Variants in XIRP2 observed in about 807,000 individuals in gnomAD.
XIRP2 encodes xin actin-binding repeat-containing protein 2.
A neutral mutation model predicts 277.0 loss-of-function variants in XIRP2; 236 were observed. That is an observed-to-expected ratio of 0.85 (90% CI 0.77 to 0.95). The LOEUF (loss-of-function observed/expected upper bound fraction) is 0.95, where lower values mean the gene tolerates loss of function less well. Ranked by LOEUF, XIRP2 falls within the 40% of genes least tolerant of loss-of-function variation. The pLI is 0.00. For missense variants in XIRP2, 4,640 were observed against 4,157.5 expected, an observed-to-expected ratio of 1.12 and a Z score of -3.19; for synonymous variants, 1,490 against 1,416.5, an observed-to-expected ratio of 1.05 and a Z score of -1.17.
intron 2 of XIRP2, among the ~76,000 whole-genome samples, chr2:167,028,559 A>G (rs1024906998): frequency 3.9e-5 from 6 of 152,074 alleles, no homozygotes; most frequent in Admixed American, 6.6e-5. Context: ...AAAACACTCA[A>G]TTCCATTTAA....
intron 6 of XIRP2, 27 bp downstream of exon 6, chr2:167,239,992 C>A: frequency 6.4e-7 from 1 of 1,564,636 alleles, no homozygotes; most frequent in South Asian, 1.2e-5. Flanking sequence ...GCAGTACTTT[C>A]AAACAGTTTC....
chr2:167,045,471 A>G (rs1284344004), intron 2 of XIRP2, among the ~76,000 whole-genome samples: 2 of 152,160 alleles, frequency 1.3e-5, no homozygotes, highest in Admixed American at 6.6e-5. Context: ...CAGACAACCT[A>G]TTGAATGGGA....
intron 3 of XIRP2, among the ~76,000 whole-genome samples, chr2:167,187,719 T>A (rs1425421118): frequency 6.6e-6 from 1 of 152,150 alleles, no homozygotes; most frequent in Non-Finnish European, 1.5e-5. Context: ...GAGCTTCATA[T>A]GTTAGTGTCT....
At chr2:167,053,811 G>A (rs903439635) in intron 2 of XIRP2, among the ~76,000 whole-genome samples, 1 of 152,054 alleles carries the variant, frequency 6.6e-6, no homozygotes, top group Non-Finnish European at 1.5e-5. Flanking sequence ...CAAAATATCA[G>A]TCAGCAAAAT....
At chr2:167,020,369 AG>A (rs1687947398) in intron 2 of XIRP2, among the ~76,000 whole-genome samples, 1 of 151,988 alleles carries the variant, frequency 6.6e-6, no homozygotes, top group Non-Finnish European at 1.5e-5. Flanking sequence ...CAGATGAAAA[AG>A]CCTATTCTTC....
At position 167,259,452 on chromosome 2, in the gene XIRP2, G is replaced by A; in HGVS notation, c.*1635G>A. On this transcript the variant is annotated 3_prime_UTR_variant, in exon 11 of 11. Coordinates refer to ENST00000409195, the MANE Select transcript of XIRP2 (RefSeq NM_152381.6). ...ATTTTATGAATTTGGATACCCTTTT[G>A]AGGAACTTGATGTAAACATGGTGTT... The A allele has an allele frequency of 1.5e-6, 2 of 1,310,614 alleles. No homozygotes were observed. The highest frequency in any genetic ancestry group is 2.9e-5 in the Admixed American group (1 of 35,012). 81.2% of individuals were successfully genotyped at this position (1,310,614 alleles called of 1,614,324 possible).
At chr2:166,950,147 A>G (rs938141874) in intron 2 of XIRP2, among the ~76,000 whole-genome samples, 3 of 152,048 alleles carry the variant, frequency 2.0e-5, no homozygotes. Context: ...TCTACACTGA[A>G]TAATTTAAAT....
intron 2 of XIRP2, among the ~76,000 whole-genome samples, chr2:167,011,336 G>A (rs572383948): frequency 6.6e-6 from 1 of 151,528 alleles, no homozygotes; most frequent in Non-Finnish European, 1.5e-5. Flanking sequence ...TAATAATGTG[G>A]TTTTTGTCTT....
intron 2 of XIRP2, among the ~76,000 whole-genome samples, chr2:167,025,704 C>T (rs1430309989): frequency 1.3e-5 from 2 of 152,170 alleles, no homozygotes; most frequent in Admixed American, 1.3e-4. Context: ...GCCTTCATTT[C>T]GTTATGTACC....
intron 2 of XIRP2, among the ~76,000 whole-genome samples, chr2:167,015,424 A>G (rs1211084709): frequency 6.8e-6 from 1 of 147,254 alleles, no homozygotes; most frequent in East Asian, 2.1e-4. Context: ...TCTTTTATCT[A>G]TCTATCTATC....
At chr2:167,072,209 C>T (rs1042940916) in intron 2 of XIRP2, among the ~76,000 whole-genome samples, 13 of 151,924 alleles carry the variant, frequency 8.6e-5, no homozygotes, top group Non-Finnish European at 1.9e-4. Flanking sequence ...TACATGCTGT[C>T]CTGTATACAG....
chr2:166,975,728 A>G (rs936709881), intron 2 of XIRP2, among the ~76,000 whole-genome samples: 6 of 152,028 alleles, frequency 3.9e-5, no homozygotes, highest in Non-Finnish European at 8.8e-5. Flanking sequence ...GATCGAGACC[A>G]TCCTGGCTAA....
chr2:167,133,340 C>G (rs1005281828), intron 2 of XIRP2, among the ~76,000 whole-genome samples: 27 of 152,168 alleles, frequency 1.8e-4, no homozygotes, highest in African/African-American at 6.5e-4. Context: ...TACACAGCTG[C>G]CTCCTTACCC....
intron 2 of XIRP2, among the ~76,000 whole-genome samples, chr2:167,087,280 T>C (rs1689985712): frequency 6.6e-6 from 1 of 152,198 alleles, no homozygotes; most frequent in Non-Finnish European, 1.5e-5. Context: ...GGGACCCACT[T>C]GAGGAGGCAG....
At chr2:167,049,825 TAAAAGTAGTAATG>T (rs1198284060) in intron 2 of XIRP2, among the ~76,000 whole-genome samples, 2 of 151,990 alleles carry the variant, frequency 1.3e-5, no homozygotes, top group Admixed American at 1.3e-4. Flanking sequence ...TGACATAAAG[TAAAAGTAGTAATG>T]AAAACTACAT....
intron 1 of XIRP2, among the ~76,000 whole-genome samples, chr2:166,891,628 C>T (rs943613818): frequency 6.6e-6 from 1 of 151,966 alleles, no homozygotes; most frequent in African/African-American, 2.4e-5. Context: ...CAGAAAAGAT[C>T]AATTACTTGC....
intron 2 of XIRP2, among the ~76,000 whole-genome samples, chr2:166,977,090 A>G (rs1686735179): frequency 6.6e-6 from 1 of 152,068 alleles, no homozygotes; most frequent in Non-Finnish European, 1.5e-5. Context: ...CCTGAAAGCA[A>G]TGTGTGTTTG....
At chr2:167,026,324 C>A (rs1240014672) in intron 2 of XIRP2, among the ~76,000 whole-genome samples, 2 of 152,046 alleles carry the variant, frequency 1.3e-5, no homozygotes, top group African/African-American at 4.8e-5. Context: ...CTTCCTCCAT[C>A]CTTTTATTTT....
chr2:167,133,495 A>G, intron 2 of XIRP2, among the ~76,000 whole-genome samples: 1 of 152,218 alleles, frequency 6.6e-6, no homozygotes, highest in East Asian at 1.9e-4. Context: ...TTCCAAAATG[A>G]GAATACCAAT....
Sources: gnomAD v4.1 joint callset for allele counts (sites outside exome capture counted in the v4.1 genomes callset) on GRCh38, gnomAD v4.1.1 for gene constraint, MANE v1.5 for transcripts, NCBI Gene and HGNC (gene_info 2026-07-23, HGNC 2026-07-21) for gene names.